Variants in ZNF33A observed in about 807,000 individuals in gnomAD.
ZNF33A encodes the protein zinc finger protein 33A.
In ZNF33A, 9 loss-of-function variants were observed where a neutral mutation model predicts 15.9. That is an observed-to-expected ratio of 0.57 (90% confidence interval 0.34 to 0.99). ZNF33A has a LOEUF of 0.99. ZNF33A is among the 50% of genes least tolerant of loss of function. The pLI is 0.02. For synonymous variants in ZNF33A, 294 were observed against 324.2 expected (o/e 0.91, Z 1.00); for missense variants, 843 against 941.6 (o/e 0.90, Z 1.37).
chr10:38,055,871 T>G lies in ZNF33A; in HGVS notation c.1747T>G (p.Cys583Gly). Reference sequence around the variant, plus strand: ...ACACACAGGGGAGAAACCCTACGAATGTCATGAATGTGGAAAAATCTTTTA... The same window carrying G: ...ACACACAGGGGAGAAACCCTACGAAGGTCATGAATGTGGAAAAATCTTTTA... ...RTHTGEKPYE[C>G]HECGKIFYNK... The change falls in exon 5 of 5, where the codon TGT (cysteine) becomes GGT (glycine). Residue 583 changes from cysteine to glycine, a missense_variant. Transcript: ENST00000432900. The G allele has an allele frequency of 6.2e-7, 1 of 1,614,122 alleles. No individual in the cohort carries two copies. The highest frequency in any genetic ancestry group is 8.5e-7 in the Non-Finnish European group (1 of 1,180,004).
downstream of ZNF33A, among the ~76,000 whole-genome samples, chr10:38,062,572 T>G (rs1464094255): frequency 1.3e-5 from 2 of 152,150 alleles, no homozygotes; most frequent in Non-Finnish European, 2.9e-5. Flanking sequence ...TGAGGTGAGG[T>G]TGGGAGAGAG....
chr10:38,051,247 C>G (rs965518669), intron 4 of ZNF33A, among the ~76,000 whole-genome samples: 3 of 152,124 alleles, frequency 2.0e-5, no homozygotes, highest in African/African-American at 7.2e-5. Flanking sequence ...TTGTACAAAA[C>G]TAATATTCAC....
In ZNF33A at chr10:38,055,352, G is replaced by A. The variant is rs769136968; in HGVS notation, c.1228G>A (p.Glu410Lys). The stretch of plus-strand genomic sequence containing the variant: ...ATTACACCAGAGAACACATACAGGG[G>A]AGAAACCCTATCAATGTAATGCGTG... ...LTLHQRTHTG[E>K]KPYQCNACGK... Residue 410 changes from glutamate (E) to lysine (K), a missense_variant, in exon 5 of 5, where the codon GAG becomes AAG. Physicochemically the swap from Glu to Lys is moderately conservative, Grantham distance 56 (BLOSUM62 1). Coordinates refer to ENST00000432900, the MANE Select transcript of ZNF33A (RefSeq NM_006954.2). 83 of 1,613,938 alleles carry A rather than the reference G, an allele frequency of 5.1e-5. No individual in the cohort carries two copies. The Admixed American group carries it at 1.0e-3, about 20-fold the overall frequency.
intron 3 of ZNF33A, 105 bp from the exon 4 acceptor site, chr10:38,017,186 A>G: frequency 7.2e-7 from 1 of 1,395,548 alleles, no homozygotes; most frequent in Non-Finnish European, 9.8e-7. Context: ...CTCCAGTGAA[A>G]ATGTTCCACT....
At chr10:38,014,035 A>AT (rs10658326) in intron 2 of ZNF33A, among the ~76,000 whole-genome samples, 6,798 of 80,104 alleles carry the variant, frequency 0.085, 2,045 homozygotes, top group African/African-American at 0.22. Flanking sequence ...ATGATGTCTG[A>AT]TTTTTTTTTT....
intron 4 of ZNF33A, among the ~76,000 whole-genome samples, chr10:38,019,659 G>A (rs1193611147): frequency 6.6e-6 from 1 of 152,120 alleles, no homozygotes; most frequent in African/African-American, 2.4e-5. Context: ...GAATAAAGGG[G>A]AACTAAAGGC....
Position 38,010,679 on chromosome 10 carries a change from C to G in ZNF33A, c.-149C>G. 1 of 1,593,158 alleles carries G rather than the reference C, an allele frequency of 6.3e-7. No homozygotes were observed. The highest frequency in any genetic ancestry group is 1.7e-5 in the Admixed American group (1 of 60,016). Reference sequence around the variant, plus strand: ...TCGTCCGCCGGCTACGTCTGCGTTTCCGCCTTTCCTTTTGTTTTTCTCAGG... The same window carrying G: ...TCGTCCGCCGGCTACGTCTGCGTTTGCGCCTTTCCTTTTGTTTTTCTCAGG... On this transcript the variant is annotated 5_prime_UTR_variant, in exon 1 of 5. Transcript: ENST00000432900.
intron 4 of ZNF33A, among the ~76,000 whole-genome samples, chr10:38,024,043 A>G (rs2064867998): frequency 6.6e-6 from 1 of 151,826 alleles, no homozygotes; most frequent in East Asian, 1.9e-4. Context: ...CTGTAATCCC[A>G]GCTACGTGGG....
intron 1 of ZNF33A, among the ~76,000 whole-genome samples, chr10:38,011,313 G>A (rs2064173203): frequency 6.6e-6 from 1 of 152,156 alleles, no homozygotes. Context: ...GGCCTGGCGC[G>A]GTGGCTCTCG....
chr10:38,017,665 A>G (rs2064525375), intron 4 of ZNF33A: 1 of 239,402 alleles, frequency 4.2e-6, no homozygotes, highest in Non-Finnish European at 8.1e-6. Context: ...TTTCTTGGTT[A>G]TCATTTTTCT....
rs1322206919 is a variant in ZNF33A at position 38,054,433 on chromosome 10, G to T, written c.309G>T (p.Leu103Phe). Residue 103 changes from leucine to phenylalanine, a missense_variant, in exon 5 of 5, where the codon TTG becomes TTT. Leu to Phe is a conservative substitution (Grantham distance 22). Coordinates refer to ENST00000432900, the MANE Select transcript of ZNF33A (RefSeq NM_006954.2). ...ERSQENQSKH[L>F]WEVVFINNEM... ...GCCAAGAAAACCAATCTAAACATTT[G>T]TGGGAAGTTGTATTCATCAATAATG... is the stretch of plus-strand genomic sequence containing the variant. 1 of 1,604,580 alleles carries T rather than the reference G, an allele frequency of 6.2e-7. No homozygotes were observed. Among genetic ancestry groups the T allele is most frequent in the African/African-American group, 1.3e-5 (1 of 74,534 alleles).
At chr10:38,047,519 C>T (rs1245175189) in intron 4 of ZNF33A, among the ~76,000 whole-genome samples, 1 of 149,630 alleles carries the variant, frequency 6.7e-6, no homozygotes, top group African/African-American at 2.5e-5. Context: ...CCCAGCTACT[C>T]GGGAGGCTGA....
intron 4 of ZNF33A, among the ~76,000 whole-genome samples, chr10:38,034,157 C>G (rs1475981297): frequency 6.6e-6 from 1 of 152,146 alleles, no homozygotes; most frequent in Non-Finnish European, 1.5e-5. Context: ...CTGTCGTTAA[C>G]ATATTAAGAT....
intron 4 of ZNF33A, among the ~76,000 whole-genome samples, chr10:38,020,609 C>T (rs1217735348): frequency 6.6e-6 from 1 of 152,152 alleles, no homozygotes. Context: ...TGAGAACATG[C>T]AAAATTTAAC....
At chr10:38,012,165 C>T (rs1185481597) in intron 1 of ZNF33A, 133 bp from the exon 2 acceptor site, 1 of 765,080 alleles carries the variant, frequency 1.3e-6, no homozygotes, top group Non-Finnish European at 2.1e-6. Flanking sequence ...TCCAAAGTGT[C>T]AGAGGACATT....
downstream of ZNF33A, among the ~76,000 whole-genome samples, chr10:38,067,177 T>TC (rs1302525378): frequency 6.6e-6 from 1 of 152,162 alleles, no homozygotes; most frequent in Non-Finnish European, 1.5e-5. Flanking sequence ...TTCACTTCCT[T>TC]CCCCCATCAA....
chr10:38,024,677 C>A (rs922738801), intron 4 of ZNF33A, among the ~76,000 whole-genome samples: 1 of 152,224 alleles, frequency 6.6e-6, no homozygotes, highest in African/African-American at 2.4e-5. Flanking sequence ...AGGCTTATTA[C>A]ATTAGTCTCC....
Position 38,056,793 on chromosome 10 carries a change from A to G in ZNF33A, c.*233A>G. Reference sequence around the variant, plus strand: ...GAGGAGAAAATTGTCAATTTAAGAAATCTAAAGTGAAAATTTTGCTTAGAA... The same window carrying G: ...GAGGAGAAAATTGTCAATTTAAGAAGTCTAAAGTGAAAATTTTGCTTAGAA... On this transcript the variant is annotated 3_prime_UTR_variant, in exon 5 of 5. Transcript: ENST00000432900. 1 of 1,194,716 alleles carries G rather than the reference A, an allele frequency of 8.4e-7. No homozygotes were observed. Among genetic ancestry groups the G allele is most frequent in the Non-Finnish European group, 1.0e-6 (1 of 964,140 alleles). 74.0% of individuals were successfully genotyped at this position (1,194,716 alleles called of 1,614,324 possible).
chr10:38,054,805 C>T lies in ZNF33A; in HGVS notation c.681C>T (p.Thr227=). The change falls in exon 5 of 5, where the codon ACC becomes ACT. Residue 227 remains threonine (T), a synonymous_variant. Coordinates refer to ENST00000432900, the MANE Select transcript of ZNF33A (RefSeq NM_006954.2). ...TTGAATACAGTATATGTCAGGAAAC[C>T]CTCCTTGAAAAGGCAGTATTCAATA... The part of the protein sequence containing the change: ...HNFEYSICQE[T]LLEKAVFNTQ... 6.2e-7 allele frequency: 1 copy of T among 1,613,446 alleles called. No individual in the cohort carries two copies. The highest frequency in any genetic ancestry group is 8.5e-7 in the Non-Finnish European group (1 of 1,179,944).
Sources: gnomAD v4.1 joint callset for allele counts (sites outside exome capture counted in the v4.1 genomes callset) on GRCh38, gnomAD v4.1.1 for gene constraint, MANE v1.5 for transcripts, NCBI Gene and HGNC (gene_info 2026-07-23, HGNC 2026-07-21) for gene names.